RANBP17: variants seen among roughly 807,000 people sequenced by gnomAD.
The protein encoded by RANBP17 is RAN binding protein 17.
A neutral mutation model predicts 141.2 loss-of-function variants in RANBP17; 158 were observed. The observed-to-expected ratio is 1.12, with a 90% CI of 0.98 to 1.28. The LOEUF (loss-of-function observed/expected upper bound fraction) is 1.28. RANBP17 is among the 50% of genes most tolerant of loss of function. The pLI is 0.00. For missense variants in RANBP17, 1,438 were observed against 1,290.7 expected, an observed-to-expected ratio of 1.11 and a Z score of -1.75; for synonymous variants, 430 against 450.0, an observed-to-expected ratio of 0.96 and a Z score of 0.56.
chr5:171,031,869 C>T (rs1055122161), intron 14 of RANBP17, among the ~76,000 whole-genome samples: 3 of 152,054 alleles, frequency 2.0e-5, no homozygotes, highest in African/African-American at 7.2e-5. Flanking sequence ...GTTAGATTGC[C>T]TGATGGCTAC....
At chr5:171,182,466 A>G (rs1009130904) in intron 16 of RANBP17, among the ~76,000 whole-genome samples, 12 of 152,230 alleles carry the variant, frequency 7.9e-5, no homozygotes, top group Admixed American at 5.2e-4. Context: ...CTACAGTTCA[A>G]ATCTCAGCAC....
At chr5:171,275,741 G>C (rs1186582631) in intron 25 of RANBP17, among the ~76,000 whole-genome samples, 1 of 152,156 alleles carries the variant, frequency 6.6e-6, no homozygotes, top group Admixed American at 6.5e-5. Flanking sequence ...GTTTGACATG[G>C]AATACTCAAA....
chr5:170,916,508 T>TA lies in RANBP17; in HGVS notation c.879dup (p.Phe294IlefsTer2). On this transcript the variant is annotated frameshift_variant, in exon 9 of 28. Transcript: ENST00000523189. LOFTEE classifies it high-confidence loss of function. ...CAGTTTGCTTCGACAAGAAGGTCCT[T>TA]ATTTAACAGTCCTGAACGTGCCAAG... is the stretch of plus-strand genomic sequence containing the variant. 1 of 1,582,662 alleles carries TA rather than the reference T, an allele frequency of 6.3e-7. No individual in the cohort carries two copies. Among genetic ancestry groups the TA allele is most frequent in the South Asian group, 1.2e-5 (1 of 84,938 alleles).
chr5:171,012,084 T>TATTTGTTTAAACAAATAATAC (rs1486600940), intron 14 of RANBP17, among the ~76,000 whole-genome samples: 1 of 151,308 alleles, frequency 6.6e-6, no homozygotes, highest in Non-Finnish European at 1.5e-5. Context: ...ATTGTTTGTT[T>TATTTGTTTAAACAAATAATAC]ATTTGTTTAA....
chr5:171,245,950 C>T (rs1765188051), intron 24 of RANBP17, among the ~76,000 whole-genome samples: 1 of 149,906 alleles, frequency 6.7e-6, no homozygotes. Flanking sequence ...ATGATCTCGG[C>T]TCACTGCAAC....
At chr5:171,033,269 T>C (rs1781663951) in intron 14 of RANBP17, among the ~76,000 whole-genome samples, 1 of 152,156 alleles carries the variant, frequency 6.6e-6, no homozygotes, top group Non-Finnish European at 1.5e-5. Flanking sequence ...GCCAGTGGTC[T>C]TCACGCTCTT....
At chr5:171,288,973 T>G (rs993361113) in intron 25 of RANBP17, among the ~76,000 whole-genome samples, 1 of 152,262 alleles carries the variant, frequency 6.6e-6, no homozygotes, top group Non-Finnish European at 1.5e-5. Flanking sequence ...ATGTAACCAT[T>G]TTAAGTTTTA....
intron 14 of RANBP17, among the ~76,000 whole-genome samples, chr5:171,061,703 A>T (rs168665): frequency 0.61 from 92,922 of 151,902 alleles, 29,790 homozygotes; most frequent in South Asian, 0.88. Flanking sequence ...GCTCAGTTCA[A>T]ATCCTGGGTT....
At chr5:171,251,517 T>C (rs908060428) in intron 24 of RANBP17, among the ~76,000 whole-genome samples, 9 of 150,970 alleles carry the variant, frequency 6.0e-5, no homozygotes, top group East Asian at 1.9e-4. Flanking sequence ...CGGATAATCA[T>C]TGGGTCAATG....
rs1163424308 is a variant in RANBP17 at position 171,277,663 on chromosome 5, ATATATT to A, written c.2943+11820_2943+11825del. Among the ~76,000 whole-genome samples the A allele has an allele frequency of 5.2e-5, 7 of 135,206 alleles. No individual in the cohort carries two copies. In the South Asian group the frequency reaches 9.3e-4, roughly 18 times the overall value. 88.7% of individuals were successfully genotyped at this position (135,206 alleles called of 152,430 possible). ...TATATATATATATATATATATATAT[ATATATT>A]TATGTCTTACAGCTCTGTGAGGTAG... On this transcript the variant is annotated intron_variant, in intron 25 of 27. Transcript: ENST00000523189.
chr5:170,952,824 A>G (rs1775311047), intron 12 of RANBP17, among the ~76,000 whole-genome samples: 2 of 152,068 alleles, frequency 1.3e-5, no homozygotes, highest in Non-Finnish European at 2.9e-5. Context: ...GTACTGAAGG[A>G]TCACCTAGAT....
At position 171,250,882 on chromosome 5, in the gene RANBP17, G is replaced by A. The variant is rs186433083; in HGVS notation, c.2776+8062G>A. ...AGAGACACACTACAATATAATAATA[G>A]TGGAGGACTTCAACATGCCACTGTC... On this transcript the variant is annotated intron_variant, in intron 24 of 27. Transcript: ENST00000523189. Among the ~76,000 whole-genome samples the A allele has an allele frequency of 7.9e-5, 12 of 152,314 alleles. No homozygotes were observed. In the East Asian group the frequency reaches 2.3e-3, roughly 29 times the overall value.
chr5:171,271,298 A>T, intron 25 of RANBP17: 2 of 213,100 alleles, frequency 9.4e-6, no homozygotes, highest in Non-Finnish European at 1.9e-5. Context: ...ATTACAGCAA[A>T]AGGGAAATCA....
chr5:171,153,563 T>C (rs1256555965), intron 14 of RANBP17, among the ~76,000 whole-genome samples: 2 of 152,138 alleles, frequency 1.3e-5, no homozygotes, highest in Non-Finnish European at 2.9e-5. Context: ...TGGGAACATA[T>C]TGGAAGATAA....
chr5:171,048,370 T>C (rs1782732759), intron 14 of RANBP17, among the ~76,000 whole-genome samples: 1 of 152,264 alleles, frequency 6.6e-6, no homozygotes. Context: ...CAAAAGCATA[T>C]CTTTAGGTCT....
At chr5:171,281,570 TC>T (rs2128037025) in intron 25 of RANBP17, among the ~76,000 whole-genome samples, 1 of 152,204 alleles carries the variant, frequency 6.6e-6, no homozygotes, top group East Asian at 1.9e-4. Context: ...TTGATCCAAT[TC>T]CGTACCAATG....
chr5:170,898,782 T>G (rs916081097), intron 5 of RANBP17, among the ~76,000 whole-genome samples: 1 of 152,214 alleles, frequency 6.6e-6, no homozygotes, highest in Non-Finnish European at 1.5e-5. Flanking sequence ...AGGGAATCAT[T>G]TCCCCATTTC....
At chr5:171,038,161 A>AT (rs373258134) in intron 14 of RANBP17, among the ~76,000 whole-genome samples, 1 of 100,534 alleles carries the variant, frequency 9.9e-6, no homozygotes, top group Non-Finnish European at 2.1e-5. Context: ...ATTCTTAGGT[A>AT]TTGTGTGTGT....
intron 14 of RANBP17, among the ~76,000 whole-genome samples, chr5:170,997,593 A>G (rs144060827): frequency 9.2e-5 from 14 of 152,284 alleles, no homozygotes; most frequent in African/African-American, 1.4e-4. Context: ...CTGTTTGCCT[A>G]TTTGGCTTAG....
Sources: gnomAD v4.1 joint callset for allele counts (sites outside exome capture counted in the v4.1 genomes callset) on GRCh38, gnomAD v4.1.1 for gene constraint, MANE v1.5 for transcripts, NCBI Gene and HGNC (gene_info 2026-07-23, HGNC 2026-07-21) for gene names.